The following ANKAR variants were observed in gnomAD, a reference collection of about 807,000 sequenced individuals.
ANKAR encodes ankyrin and armadillo repeat-containing protein.
ANKAR carries 136 observed loss-of-function variants against 146.2 expected under a neutral mutation model. That is an observed-to-expected ratio of 0.93 (90% CI 0.81 to 1.07). ANKAR has a LOEUF of 1.07. Among genes scored for constraint, ANKAR ranks in the 50% least tolerant of loss-of-function variants. The pLI, the probability that ANKAR is intolerant of heterozygous loss-of-function variation, is 0.00. For missense variants in ANKAR, 1,567 were observed against 1,679.9 expected (o/e 0.93, Z 1.18); for synonymous variants, 500 against 575.8 (o/e 0.87, Z 1.88).
intron 2 of ANKAR, among the ~76,000 whole-genome samples, chr2:189,680,317 T>C (rs551741336): frequency 6.6e-6 from 1 of 152,344 alleles, no homozygotes; most frequent in South Asian, 2.1e-4. Context: ...GTTGAGCTTA[T>C]TTGGATCTTC....
At chr2:189,756,373 C>A (rs149553243) in intron 18 of ANKAR, among the ~76,000 whole-genome samples, 14 of 152,022 alleles carry the variant, frequency 9.2e-5, no homozygotes, top group African/African-American at 2.7e-4. Context: ...AGAACTGGAG[C>A]AATAAAATAG....
At chr2:189,693,278 C>A in intron 5 of ANKAR, 101 bp downstream of exon 5, 1 of 713,392 alleles carries the variant, frequency 1.4e-6, no homozygotes, top group South Asian at 1.7e-5. Context: ...TAAACCTTTA[C>A]AATGGCGATT....
chr2:189,685,690 C>G (rs1487169382), intron 2 of ANKAR, among the ~76,000 whole-genome samples: 1 of 152,128 alleles, frequency 6.6e-6, no homozygotes, highest in African/African-American at 2.4e-5. Context: ...GCCTGTCCCC[C>G]AGATGTTGTA....
chr2:189,694,053 G>T (rs1389917077), intron 5 of ANKAR, among the ~76,000 whole-genome samples: 1 of 151,906 alleles, frequency 6.6e-6, no homozygotes, highest in Non-Finnish European at 1.5e-5. Flanking sequence ...CTGTCCATAA[G>T]ACCCTATCTC....
At chr2:189,677,247 G>T (rs990298127) in intron 2 of ANKAR, among the ~76,000 whole-genome samples, 156 bp downstream of exon 2, 4 of 151,320 alleles carry the variant, frequency 2.6e-5, no homozygotes, top group African/African-American at 9.7e-5. Flanking sequence ...CGCTGCACCT[G>T]GCCACTTCTT....
rs748914264 is a variant in ANKAR at position 189,692,255 on chromosome 2, A to G, written c.1040A>G (p.Asp347Gly). ...TAAAAATTTGTTTTCATTTTTGGAG[A>G]TGACAAGGTCAAGACAGAGCGAGAA... ...YLSSLLQPFS[D>G]DKVKTERELP... The change falls in exon 4 of 23, where the codon GAT becomes GGT. Residue 347 changes from aspartate to glycine, a missense_variant and splice_region_variant. Asp to Gly is a moderately conservative substitution (Grantham distance 94). Coordinates refer to ENST00000684021, the MANE Select transcript of ANKAR (RefSeq NM_001378068.1). The G allele has an allele frequency of 1.9e-6, 3 of 1,585,388 alleles. No individual in the cohort carries two copies. The highest frequency in any genetic ancestry group is 2.6e-6 in the Non-Finnish European group (3 of 1,171,742).
At chr2:189,689,998 T>G in intron 3 of ANKAR, 34 bp downstream of exon 3, 1 of 1,381,418 alleles carries the variant, frequency 7.2e-7, no homozygotes, top group Non-Finnish European at 9.6e-7. Flanking sequence ...ATATAAAATA[T>G]AGGTATATAT....
intron 20 of ANKAR, among the ~76,000 whole-genome samples, chr2:189,742,266 CCAGGGTTCA>C (rs1400702083): frequency 6.6e-6 from 1 of 152,140 alleles, no homozygotes; most frequent in Non-Finnish European, 1.5e-5. Flanking sequence ...AACTACAGGT[CCAGGGTTCA>C]AGGTTTAGAA....
chr2:189,761,629 C>A, downstream of ANKAR: 2 of 1,596,758 alleles, frequency 1.3e-6, no homozygotes, highest in South Asian at 2.3e-5. Flanking sequence ...CAGTCTTAGT[C>A]AAGATTAGCA....
At chr2:189,692,984 T>G in intron 4 of ANKAR, 90 bp from the exon 5 acceptor site, 1 of 639,482 alleles carries the variant, frequency 1.6e-6, no homozygotes, top group Non-Finnish European at 2.5e-6. Context: ...AAATTTGTCA[T>G]TTACATGTAT....
intron 18 of ANKAR, chr2:189,754,661 C>T (rs547416111): frequency 7.3e-6 from 2 of 273,120 alleles, no homozygotes; most frequent in Non-Finnish European, 1.3e-5. Flanking sequence ...CCTATACTTC[C>T]TATTATTTCA....
chr2:189,718,662 C>G (rs1323519407), intron 10 of ANKAR, among the ~76,000 whole-genome samples: 3 of 151,834 alleles, frequency 2.0e-5, no homozygotes, highest in African/African-American at 7.3e-5. Flanking sequence ...TCATTTTGTG[C>G]ATGTCCTATA....
chr2:189,737,726 T>C lies in ANKAR; in HGVS notation c.3467T>C (p.Phe1156Ser), dbSNP rs1248719616. 6.3e-7 allele frequency: 1 copy of C among 1,599,452 alleles called. No homozygotes were observed. Among genetic ancestry groups the C allele is most frequent in the Admixed American group, 1.8e-5 (1 of 56,656 alleles). The change falls in exon 18 of 23, where the codon TTC becomes TCC. Residue 1156 changes from phenylalanine (F) to serine (S), a missense_variant. By Grantham distance (155) the Phe-to-Ser change is radical (BLOSUM62 -2). Coordinates refer to ENST00000684021, the MANE Select transcript of ANKAR (RefSeq NM_001378068.1). Reference protein sequence around the residue: ...RAGYALTLFAFNNRFQQYLIL... With the variant: ...RAGYALTLFASNNRFQQYLIL... ...GGCTATGCATTAACACTTTTTGCCT[T>C]CAATAATCGCTTTCAACAATACTTA...
chr2:189,752,754 T>C (rs2045475442), intron 18 of ANKAR: 1 of 1,613,550 alleles, frequency 6.2e-7, no homozygotes, highest in East Asian at 2.2e-5. Flanking sequence ...ATAAAATCAA[T>C]AGCTCCAAGA....
rs1023616926 is a variant in ANKAR, at chr2:189,731,711, T to A, written c.3300+1110T>A. Reference sequence around the variant, plus strand: ...CTGTATTTATTTATTTAATTTTTTTTAAATATTGAGATGGGGTCTCTCACT... The same window carrying A: ...CTGTATTTATTTATTTAATTTTTTTAAAATATTGAGATGGGGTCTCTCACT... On this transcript the variant is annotated intron_variant, in intron 16 of 22. Coordinates refer to ENST00000684021, the MANE Select transcript of ANKAR (RefSeq NM_001378068.1). Among the ~76,000 whole-genome samples the A allele has an allele frequency of 2.8e-4, 42 of 152,140 alleles. 2 individuals are homozygous for A. Among genetic ancestry groups the A allele is most frequent in the Middle Eastern group, 3.4e-3 (1 of 294 alleles).
intron 18 of ANKAR, chr2:189,753,193 A>G (rs969168167): frequency 1.5e-5 from 5 of 325,066 alleles, no homozygotes; most frequent in Non-Finnish European, 2.2e-5. Flanking sequence ...GCATTTTTGT[A>G]TATTTTCTTC....
chr2:189,719,856 T>C, intron 11 of ANKAR, 43 bp downstream of exon 11: 1 of 1,520,076 alleles, frequency 6.6e-7, no homozygotes, highest in Non-Finnish European at 8.9e-7. Context: ...TGACAATAAC[T>C]CCCTCATATA....
At chr2:189,701,125 A>G (rs937132865) in intron 7 of ANKAR, among the ~76,000 whole-genome samples, 4 of 152,330 alleles carry the variant, frequency 2.6e-5, no homozygotes, top group Non-Finnish European at 2.9e-5. Context: ...GTGGTTTGAT[A>G]TGTCACATTA....
intron 2 of ANKAR, among the ~76,000 whole-genome samples, chr2:189,683,287 T>A (rs970702069): frequency 4.6e-5 from 7 of 152,214 alleles, no homozygotes; most frequent in African/African-American, 1.4e-4. Context: ...GTGTATCCGC[T>A]GGCTGCTGTC....
Sources: allele counts gnomAD v4.1 joint callset (sites outside exome capture counted in the v4.1 genomes callset), GRCh38; gene constraint gnomAD v4.1.1; transcripts MANE v1.5; gene names NCBI Gene and HGNC (gene_info 2026-07-23, HGNC 2026-07-21).